Variants in PTPRC observed in about 807,000 individuals in gnomAD.
The protein encoded by PTPRC is receptor-type tyrosine-protein phosphatase C.
Under a neutral mutation model 155.9 loss-of-function variants are expected in PTPRC, and 44 were observed. The observed-to-expected ratio is 0.28, with a 90% CI of 0.22 to 0.36. The LOEUF is 0.36. Among genes scored for constraint, PTPRC ranks in the 10% least tolerant of loss-of-function variants. The pLI is 1.00. For synonymous variants in PTPRC, 525 were observed against 533.1 expected (o/e 0.98, Z 0.21); for missense variants, 1,401 against 1,564.6 (o/e 0.90, Z 1.76).
Position 198,748,082 on chromosome 1 carries a change from T to A in PTPRC, c.2848-27T>A, listed in dbSNP as rs1357030566. 5.1e-6 allele frequency: 8 copies of A among 1,571,078 alleles called. No homozygotes were observed. In the South Asian group the frequency reaches 6.9e-5, roughly 14 times the overall value. The stretch of plus-strand genomic sequence containing the variant: ...AGCCAATATTTACATTTTAAAGGAG[T>A]TTTTCTGTTTTTTTTTTTTTTTTCA... On this transcript the variant is annotated intron_variant, in intron 26 of 32. Transcript: ENST00000442510.
rs550389416 is a variant in PTPRC at position 198,709,582 on chromosome 1, A to G, written c.1034-105A>G. 6.0e-6 allele frequency: 6 copies of G among 1,006,314 alleles called. No homozygotes were observed. The African/African-American group carries it at 8.4e-5, about 14-fold the overall frequency. 62.3% of individuals were successfully genotyped at this position (1,006,314 alleles called of 1,614,324 possible). On this transcript the variant is annotated intron_variant, in intron 10 of 32. Coordinates refer to ENST00000442510, the MANE Select transcript of PTPRC (RefSeq NM_002838.5). ...TTTGGTAATTTCCACAGATGTTTCA[A>G]TCTGATAAATATTAAATAGAGAATT...
Position 198,716,731 on chromosome 1 carries a change from A to G in PTPRC, c.1341A>G (p.Gln447=), listed in dbSNP as rs747186084. Reference sequence around the variant, plus strand: ...AAAACCTGATCAAATATGATTTGCAAAATTTAAAACCTTATACGAAATATG... The same window carrying G: ...AAAACCTGATCAAATATGATTTGCAGAATTTAAAACCTTATACGAAATATG... ...LDKNLIKYDL[Q]NLKPYTKYVL... is the part of the protein sequence containing the mutation. Residue 447 remains glutamine (Q), a synonymous_variant, in exon 13 of 33, where the codon CAA becomes CAG. Transcript: ENST00000442510. The G allele has an allele frequency of 6.2e-7, 1 of 1,612,660 alleles. No individual in the cohort carries two copies. The highest frequency in any genetic ancestry group is 8.5e-7 in the Non-Finnish European group (1 of 1,179,856).
chr1:198,696,084 AG>A (rs1666187298), intron 3 of PTPRC, among the ~76,000 whole-genome samples: 1 of 151,800 alleles, frequency 6.6e-6, no homozygotes, highest in African/African-American at 2.4e-5. Flanking sequence ...CGCTTGAACC[AG>A]GGAGTCGGAG....
intron 14 of PTPRC, among the ~76,000 whole-genome samples, chr1:198,720,422 C>A (rs1653832665): frequency 6.6e-6 from 1 of 152,056 alleles, no homozygotes; most frequent in African/African-American, 2.4e-5. Context: ...CTCCGCCTCC[C>A]AGGTTCAAGC....
At chr1:198,712,009 T>G (rs750897552) in intron 11 of PTPRC, among the ~76,000 whole-genome samples, 2 of 152,170 alleles carry the variant, frequency 1.3e-5, no homozygotes, top group Non-Finnish European at 2.9e-5. Context: ...ACCCAGGAAT[T>G]TCACTCCAGG....
chr1:198,646,809 T>C (rs1337725193), intron 2 of PTPRC, among the ~76,000 whole-genome samples: 5 of 151,926 alleles, frequency 3.3e-5, no homozygotes, highest in Non-Finnish European at 7.4e-5. Context: ...TTATTCATTA[T>C]TGGAGCAAAA....
chr1:198,755,219 A>ATAAG (rs1405959814), intron 32 of PTPRC, among the ~76,000 whole-genome samples: 1 of 152,128 alleles, frequency 6.6e-6, no homozygotes. Flanking sequence ...AGGAAGGAAA[A>ATAAG]TAAGTTTTAT....
At chr1:198,725,687 A>G (rs959030678) in intron 15 of PTPRC, among the ~76,000 whole-genome samples, 11 of 152,078 alleles carry the variant, frequency 7.2e-5, no homozygotes, top group Non-Finnish European at 1.5e-4. Flanking sequence ...CCTCCCTGGT[A>G]GTATTTTTTC....
intron 2 of PTPRC, among the ~76,000 whole-genome samples, chr1:198,640,339 C>G (rs907323835): frequency 1.3e-5 from 2 of 151,966 alleles, no homozygotes; most frequent in African/African-American, 4.8e-5. Context: ...TTGCTTATTA[C>G]AATTCACTTT....
Position 198,639,247 on chromosome 1 carries a change from G to C in PTPRC, c.-22G>C, listed in dbSNP as rs1450899356. 2 of 1,611,572 alleles carry C rather than the reference G, an allele frequency of 1.2e-6. No homozygotes were observed. Among genetic ancestry groups the C allele is most frequent in the South Asian group, 2.2e-5 (2 of 91,030 alleles). ...TCAGAAGGACGCATGCTGTTTCTTA[G>C]GGACACGGCTGACTTCCAGATATGA... On this transcript the variant is annotated 5_prime_UTR_variant, in exon 2 of 33. Coordinates refer to ENST00000442510, the MANE Select transcript of PTPRC (RefSeq NM_002838.5).
chr1:198,686,502 G>T (rs1293955221), intron 2 of PTPRC, among the ~76,000 whole-genome samples: 1 of 152,100 alleles, frequency 6.6e-6, no homozygotes, highest in Non-Finnish European at 1.5e-5. Context: ...ATATTTATTT[G>T]ATGTGTTTAT....
intron 27 of PTPRC, 65 bp downstream of exon 27, chr1:198,748,264 G>A (rs1294141828): frequency 1.0e-5 from 16 of 1,530,834 alleles, no homozygotes; most frequent in South Asian, 2.5e-5. Context: ...TTTGTTTAAT[G>A]TGGGACACAC....
chr1:198,717,003 C>T (rs1030406342), intron 13 of PTPRC, among the ~76,000 whole-genome samples, 163 bp downstream of exon 13: 7 of 152,232 alleles, frequency 4.6e-5, no homozygotes, highest in East Asian at 3.9e-4. Flanking sequence ...GTTTAAAAAC[C>T]GTTATCCTGG....
chr1:198,676,214 C>T (rs1304944624), intron 2 of PTPRC, among the ~76,000 whole-genome samples: 1 of 152,138 alleles, frequency 6.6e-6, no homozygotes, highest in South Asian at 2.1e-4. Context: ...TCTTTAGGAA[C>T]CATGCTTCTG....
intron 32 of PTPRC, among the ~76,000 whole-genome samples, chr1:198,755,362 A>T (rs1655589585): frequency 6.6e-6 from 1 of 152,086 alleles, no homozygotes; most frequent in African/African-American, 2.4e-5. Context: ...ATCATGTATG[A>T]TATTGAGATT....
chr1:198,694,750 C>G, intron 3 of PTPRC: 1 of 952,236 alleles, frequency 1.1e-6, no homozygotes, highest in Non-Finnish European at 1.3e-6. Flanking sequence ...TTTCTTTCCA[C>G]TCCCTTTCTC....
At chr1:198,749,385 G>A in intron 27 of PTPRC, 31 bp from the exon 28 acceptor site, 2 of 1,595,432 alleles carry the variant, frequency 1.3e-6, no homozygotes, top group Non-Finnish European at 1.7e-6. Context: ...ATTTTTTCAA[G>A]GAAGACTTAC....
At chr1:198,701,365 TAC>T (rs1666453603) in intron 5 of PTPRC, among the ~76,000 whole-genome samples, 1 of 152,160 alleles carries the variant, frequency 6.6e-6, no homozygotes, top group Admixed American at 6.5e-5. Flanking sequence ...ACTGCAGAAA[TAC>T]AGACTCTGCC....
intron 31 of PTPRC, 21 bp from the exon 32 acceptor site, chr1:198,754,248 T>TATC (rs767065940): frequency 2.5e-6 from 4 of 1,597,752 alleles, no homozygotes; most frequent in African/African-American, 1.3e-5. Flanking sequence ...GATTATTTTC[T>TATC]ATCTTTTCTT....
Sources: gnomAD v4.1 joint callset for allele counts (sites outside exome capture counted in the v4.1 genomes callset) on GRCh38, gnomAD v4.1.1 for gene constraint, MANE v1.5 for transcripts, NCBI Gene and HGNC (gene_info 2026-07-23, HGNC 2026-07-21) for gene names.